Variants in ZCCHC24 observed in about 807,000 individuals in gnomAD.
ZCCHC24 encodes the protein zinc finger CCHC-type containing 24.
Under a neutral mutation model 26.2 loss-of-function variants are expected in ZCCHC24, and 10 were observed. The ratio of observed to expected loss-of-function variants is 0.38; its 90% confidence interval spans 0.24 to 0.65. The LOEUF (loss-of-function observed/expected upper bound fraction) is 0.65, where lower values mean the gene tolerates loss of function less well. ZCCHC24 is among the 30% of genes least tolerant of loss of function. The probability of loss-of-function intolerance (pLI) is 0.54; values close to 1 mark genes in which losing one functional copy is unlikely to be tolerated. For missense variants in ZCCHC24, 243 were observed against 329.1 expected (o/e 0.74, Z 2.03); for synonymous variants, 144 against 147.1 (o/e 0.98, Z 0.15).
At chr10:79,408,457 G>A (rs1207379754) in intron 2 of ZCCHC24, among the ~76,000 whole-genome samples, 1 of 152,148 alleles carries the variant, frequency 6.6e-6, no homozygotes. Flanking sequence ...GGAAGGCTTT[G>A]GAGCACCAAT....
chr10:79,431,306 G>A (rs1167695065), intron 2 of ZCCHC24, among the ~76,000 whole-genome samples: 2 of 152,218 alleles, frequency 1.3e-5, no homozygotes, highest in Non-Finnish European at 2.9e-5. Flanking sequence ...CAGGGGGGCT[G>A]AGGGTACTCA....
chr10:79,409,548 G>C (rs58363463), intron 2 of ZCCHC24, among the ~76,000 whole-genome samples: 6,353 of 152,292 alleles, frequency 0.042, 202 homozygotes, highest in East Asian at 0.083. Flanking sequence ...GGGGCTCTGG[G>C]GAGCAGGTGA....
intron 2 of ZCCHC24, among the ~76,000 whole-genome samples, chr10:79,398,885 A>G (rs1856589935): frequency 6.6e-6 from 1 of 152,090 alleles, no homozygotes; most frequent in Non-Finnish European, 1.5e-5. Context: ...AGGCACAGGG[A>G]AGGGGTGGGA....
At chr10:79,425,889 T>C (rs1432261217) in intron 2 of ZCCHC24, among the ~76,000 whole-genome samples, 1 of 151,850 alleles carries the variant, frequency 6.6e-6, no homozygotes, top group Non-Finnish European at 1.5e-5. Flanking sequence ...CACTCTTGAG[T>C]CCTAATCCTT....
Position 79,386,259 on chromosome 10 carries a change from C to A in ZCCHC24, c.*86G>T. The A allele has an allele frequency of 7.6e-7, 1 of 1,319,138 alleles. No individual in the cohort carries two copies. The highest frequency in any genetic ancestry group is 1.1e-6 in the Non-Finnish European group (1 of 933,468). 81.7% of individuals were successfully genotyped at this position (1,319,138 alleles called of 1,614,324 possible). A position where few individuals can be genotyped will look rare whatever the true frequency, so the allele number is the denominator to read the frequency against. ...CTGCGAGGGCACCCCATGCACAGGG[C>A]GACACGCAGCCCCTCGGAGTAGCAC... On this transcript the variant is annotated 3_prime_UTR_variant, in exon 4 of 4. Coordinates refer to ENST00000372336, the MANE Select transcript of ZCCHC24 (RefSeq NM_153367.4).
chr10:79,442,929 T>G (rs1262244408), intron 1 of ZCCHC24, among the ~76,000 whole-genome samples: 2 of 151,990 alleles, frequency 1.3e-5, no homozygotes, highest in Non-Finnish European at 2.9e-5. Flanking sequence ...CTTCCGGAAG[T>G]CAGCAGGCAC....
chr10:79,432,290 T>C (rs561216267), intron 2 of ZCCHC24, among the ~76,000 whole-genome samples: 1 of 152,316 alleles, frequency 6.6e-6, no homozygotes, highest in African/African-American at 2.4e-5. Flanking sequence ...AGAACCTCCT[T>C]TGGGGGCCCA....
At chr10:79,441,116 A>ACACACC (rs377457574) in intron 1 of ZCCHC24, among the ~76,000 whole-genome samples, 11 of 148,908 alleles carry the variant, frequency 7.4e-5, no homozygotes, top group African/African-American at 2.7e-4. Flanking sequence ...ACACACACAC[A>ACACACC]CCACAAAGGC....
chr10:79,425,468 A>G (rs955837545), intron 2 of ZCCHC24, among the ~76,000 whole-genome samples: 5 of 152,212 alleles, frequency 3.3e-5, no homozygotes, highest in Admixed American at 2.6e-4. Context: ...CCAGTCATCT[A>G]TCTTTTTAAA....
intron 1 of ZCCHC24, 122 bp downstream of exon 1, chr10:79,445,073 G>C (rs973762993): frequency 4.7e-5 from 49 of 1,031,640 alleles, no homozygotes; most frequent in Non-Finnish European, 5.2e-5. Flanking sequence ...AGCCAAGCCG[G>C]GCCCGGCAAT....
At chr10:79,434,006 G>T (rs1857180161) in intron 1 of ZCCHC24, among the ~76,000 whole-genome samples, 1 of 152,226 alleles carries the variant, frequency 6.6e-6, no homozygotes, top group African/African-American at 2.4e-5. Flanking sequence ...GTATCCATCT[G>T]CAGGCATCTG....
intron 2 of ZCCHC24, among the ~76,000 whole-genome samples, chr10:79,403,913 TAGAG>T (rs1408601207): frequency 6.8e-6 from 1 of 148,062 alleles, no homozygotes; most frequent in African/African-American, 2.5e-5. Context: ...GGAAGGGAGA[TAGAG>T]AGGAGAAAAC....
At chr10:79,395,540 G>A (rs952837632) in intron 2 of ZCCHC24, among the ~76,000 whole-genome samples, 1 of 152,156 alleles carries the variant, frequency 6.6e-6, no homozygotes, top group Non-Finnish European at 1.5e-5. Flanking sequence ...ACATACTGCA[G>A]GTATCCCAAC....
At chr10:79,387,981 CT>C (rs1319004668) in intron 3 of ZCCHC24, among the ~76,000 whole-genome samples, 1 of 152,142 alleles carries the variant, frequency 6.6e-6, no homozygotes, top group African/African-American at 2.4e-5. Context: ...TCACAAGAGG[CT>C]TTCAGGTGAC....
At chr10:79,404,822 C>G (rs1856688822) in intron 2 of ZCCHC24, among the ~76,000 whole-genome samples, 1 of 152,216 alleles carries the variant, frequency 6.6e-6, no homozygotes, top group South Asian at 2.1e-4. Context: ...CTGGCCCCAG[C>G]TGACCTTCCA....
intron 1 of ZCCHC24, among the ~76,000 whole-genome samples, chr10:79,438,465 C>G (rs7893619): frequency 0.25 from 38,686 of 152,090 alleles, 5,981 homozygotes; most frequent in African/African-American, 0.44. Context: ...CATGGCCACA[C>G]CTTGACTGAG....
Position 79,413,310 on chromosome 10 carries a change from T to C in ZCCHC24, c.448-18870A>G, listed in dbSNP as rs543805514. On this transcript the variant is annotated intron_variant, in intron 2 of 3. Coordinates refer to ENST00000372336, the MANE Select transcript of ZCCHC24 (RefSeq NM_153367.4). The stretch of plus-strand genomic sequence containing the variant: ...TTTTCAAGGTCACACAGTGAGTGAG[T>C]GGCGGGACCCCTCCCCACGCCTGAC... Among the ~76,000 whole-genome samples, 236 of 152,194 alleles carry C rather than the reference T, an allele frequency of 1.6e-3. 2 individuals are homozygous for C. The highest frequency in any genetic ancestry group is 5.3e-3 in the African/African-American group (220 of 41,518).
intron 2 of ZCCHC24, among the ~76,000 whole-genome samples, chr10:79,407,032 G>A (rs1856725940): frequency 6.6e-6 from 1 of 152,246 alleles, no homozygotes. Flanking sequence ...TGACCCTTCT[G>A]GTCTCTGTCC....
intron 1 of ZCCHC24, among the ~76,000 whole-genome samples, chr10:79,433,260 C>A (rs1356901587): frequency 6.6e-6 from 1 of 152,180 alleles, no homozygotes; most frequent in African/African-American, 2.4e-5. Context: ...TGTCAGCTTG[C>A]GGCATTGCTC....
Sources: gnomAD v4.1 joint callset for allele counts (sites outside exome capture counted in the v4.1 genomes callset) on GRCh38, gnomAD v4.1.1 for gene constraint, MANE v1.5 for transcripts, NCBI Gene and HGNC (gene_info 2026-07-23, HGNC 2026-07-21) for gene names.